DSCAM: variants seen among roughly 807,000 people sequenced by gnomAD.
The protein encoded by DSCAM is cell adhesion molecule DSCAM.
Under a neutral mutation model 217.7 loss-of-function variants are expected in DSCAM, and 47 were observed. That is an observed-to-expected ratio of 0.22 (90% CI 0.17 to 0.28). DSCAM has a LOEUF of 0.28. Among genes scored for constraint, DSCAM ranks in the 10% least tolerant of loss-of-function variants. The pLI, the probability that DSCAM is intolerant of heterozygous loss-of-function variation, is 1.00. For missense variants in DSCAM, 2,080 were observed against 2,618.3 expected, an observed-to-expected ratio of 0.79 and a Z score of 4.49; for synonymous variants, 1,056 against 1,015.3, an observed-to-expected ratio of 1.04 and a Z score of -0.76.
At chr21:40,189,008 T>C (rs369327861) in intron 12 of DSCAM, 34 bp downstream of exon 12, 9 of 1,601,746 alleles carry the variant, frequency 5.6e-6, no homozygotes, top group Non-Finnish European at 6.8e-6. Flanking sequence ...CCAATAAAGT[T>C]CATTCCATTG....
intron 6 of DSCAM, among the ~76,000 whole-genome samples, chr21:40,340,811 G>A (rs1258633352): frequency 6.6e-6 from 1 of 152,190 alleles, no homozygotes; most frequent in Non-Finnish European, 1.5e-5. Flanking sequence ...AATTAGGATA[G>A]CTTGCAATTC....
chr21:40,450,761 T>C (rs1003408197), intron 3 of DSCAM, among the ~76,000 whole-genome samples: 1 of 152,244 alleles, frequency 6.6e-6, no homozygotes, highest in Admixed American at 6.5e-5. Context: ...TTGTTGTTGC[T>C]GCTTTTTAAT....
chr21:40,375,243 CTG>C (rs1189586885), intron 3 of DSCAM, among the ~76,000 whole-genome samples: 2 of 152,232 alleles, frequency 1.3e-5, no homozygotes, highest in African/African-American at 4.8e-5. Context: ...TTCAAACTCT[CTG>C]TGTCCACTTC....
At position 40,016,412 on chromosome 21, in the gene DSCAM, C is replaced by T. The variant is rs1047397982; in HGVS notation, c.5687-3026G>A. Among the ~76,000 whole-genome samples, 13 of 152,094 alleles carry T rather than the reference C, an allele frequency of 8.5e-5. No homozygotes were observed. The highest frequency in any genetic ancestry group is 2.6e-4 in the Admixed American group (4 of 15,258). On this transcript the variant is annotated intron_variant, in intron 32 of 32. Coordinates refer to ENST00000400454, the MANE Select transcript of DSCAM (RefSeq NM_001389.5). The surrounding 1 kb of genome is among the most constrained non-coding windows in gnomAD (Gnocchi z 4.3). ...TGACAAAAGATGAAGGGTTTAGTTT[C>T]AGACCTGCTGAGTTTGATGCAGCTG...
chr21:40,825,380 C>T lies in DSCAM; in HGVS notation c.43+21239G>A, dbSNP rs188674491. On this transcript the variant is annotated intron_variant, in intron 1 of 32. Coordinates refer to ENST00000400454, the MANE Select transcript of DSCAM (RefSeq NM_001389.5). ...TTGCCCAGGCTGGAGTGCAATGGCACGATCTCAGCTCACTGCAACCTCTGC... is the reference window on the plus strand; with the variant it reads ...TTGCCCAGGCTGGAGTGCAATGGCATGATCTCAGCTCACTGCAACCTCTGC... 3.4e-3 allele frequency among the ~76,000 whole-genome samples: 519 copies of T among 151,914 alleles called. 6 individuals carry two copies. The highest frequency in any genetic ancestry group is 0.012 in the African/African-American group (508 of 41,404).
At chr21:40,683,916 G>T (rs928426748) in intron 3 of DSCAM, among the ~76,000 whole-genome samples, 6 of 152,112 alleles carry the variant, frequency 3.9e-5, no homozygotes, top group African/African-American at 1.4e-4. Context: ...TGAGCATCCA[G>T]ACAATCAGTG....
At chr21:40,192,122 A>G (rs2090958299) in intron 11 of DSCAM, among the ~76,000 whole-genome samples, 1 of 152,168 alleles carries the variant, frequency 6.6e-6, no homozygotes, top group Admixed American at 6.5e-5. Context: ...TTGTATAATC[A>G]TCACTGAATC....
Position 40,055,832 on chromosome 21 carries a change from G to T in DSCAM, c.4928C>A (p.Thr1643Asn). 1 of 1,612,480 alleles carries T rather than the reference G, an allele frequency of 6.2e-7. No homozygotes were observed. The highest frequency in any genetic ancestry group is 8.5e-7 in the Non-Finnish European group (1 of 1,178,632). Residue 1643 changes from threonine to asparagine, a missense_variant, in exon 29 of 33, where the codon ACC becomes AAC. Around this residue, in one of 5 missense-constraint regions of DSCAM, gnomAD observed 1,144 missense variants for 1,421.1 expected, o/e 0.81. Coordinates refer to ENST00000400454, the MANE Select transcript of DSCAM (RefSeq NM_001389.5). ...SLAEMLMSKN[T>N]RTSDTLSKQQ... is the part of the protein sequence containing the mutation. ...CTTGCTTAACGTATCTGAAGTCCGG[G>T]TATTCTTACTGGGAATAAAATGGGG...
At chr21:40,710,234 C>T (rs1184075707) in intron 1 of DSCAM, among the ~76,000 whole-genome samples, 1 of 151,864 alleles carries the variant, frequency 6.6e-6, no homozygotes, top group Non-Finnish European at 1.5e-5. Context: ...GTTAAAAAAG[C>T]ACCATTATCA....
At chr21:40,105,408 G>A (rs1426409568) in intron 20 of DSCAM, among the ~76,000 whole-genome samples, 2 of 152,182 alleles carry the variant, frequency 1.3e-5, no homozygotes, top group African/African-American at 2.4e-5. Flanking sequence ...GAGGGACCCC[G>A]TGGGAGGTAA....
At chr21:40,761,610 G>A (rs1247782901) in intron 1 of DSCAM, among the ~76,000 whole-genome samples, 1 of 152,182 alleles carries the variant, frequency 6.6e-6, no homozygotes, top group African/African-American at 2.4e-5. Flanking sequence ...CTGCAAGACA[G>A]AGCAAACTTC....
At chr21:40,470,462 A>G (rs956107721) in intron 3 of DSCAM, among the ~76,000 whole-genome samples, 11 of 152,222 alleles carry the variant, frequency 7.2e-5, no homozygotes, top group African/African-American at 2.7e-4. Context: ...AGAGTCCAAG[A>G]GCTTTCTGCC....
chr21:40,664,418 G>C (rs1260155366), intron 3 of DSCAM, among the ~76,000 whole-genome samples: 1 of 152,168 alleles, frequency 6.6e-6, no homozygotes, highest in Admixed American at 6.5e-5. Context: ...TTCCCCCCGG[G>C]ATGAAGTTGC....
intron 11 of DSCAM, among the ~76,000 whole-genome samples, chr21:40,265,052 G>GCATC (rs933133535): frequency 1.4e-5 from 2 of 140,564 alleles, no homozygotes; most frequent in African/African-American, 5.5e-5. Context: ...AATTAGCCAG[G>GCATC]TGTAGTGACA....
intron 3 of DSCAM, among the ~76,000 whole-genome samples, chr21:40,650,524 G>C (rs549946335): frequency 3.9e-5 from 6 of 152,196 alleles, no homozygotes; most frequent in African/African-American, 2.4e-5. Flanking sequence ...GGCTGGCGTC[G>C]TCCAGTTCTT....
intron 11 of DSCAM, 139 bp from the exon 12 acceptor site, chr21:40,189,377 T>A: frequency 1.3e-6 from 1 of 785,410 alleles, no homozygotes. Flanking sequence ...CATGAGAATC[T>A]CGAGCAAAAT....
At chr21:40,843,504 T>A (rs749240275) in intron 1 of DSCAM, among the ~76,000 whole-genome samples, 2 of 152,170 alleles carry the variant, frequency 1.3e-5, no homozygotes, top group Non-Finnish European at 2.9e-5. Context: ...GGCTCTTCTT[T>A]TAGCAATAAT....
rs116240062 is a variant in DSCAM, at chr21:40,833,434, A to G, written c.43+13185T>C. Among the ~76,000 whole-genome samples, 409 of 152,352 alleles carry G rather than the reference A, an allele frequency of 2.7e-3. 3 individuals are homozygous for G. The highest frequency in any genetic ancestry group is 9.6e-3 in the African/African-American group (398 of 41,584). Reference sequence around the variant, plus strand: ...AGCCGCAGAAAAGGGTGCTTCAGGCACAGGGCAACCAGGCGAGAGAAAATG... The same window carrying G: ...AGCCGCAGAAAAGGGTGCTTCAGGCGCAGGGCAACCAGGCGAGAGAAAATG... On this transcript the variant is annotated intron_variant, in intron 1 of 32. Coordinates refer to ENST00000400454, the MANE Select transcript of DSCAM (RefSeq NM_001389.5).
chr21:40,377,993 C>T (rs2074980405), intron 3 of DSCAM, among the ~76,000 whole-genome samples: 2 of 152,094 alleles, frequency 1.3e-5, no homozygotes, highest in African/African-American at 4.8e-5. Flanking sequence ...TAGCTCTAAT[C>T]TGTAATAAAA....
Sources: gnomAD v4.1 joint callset for allele counts (sites outside exome capture counted in the v4.1 genomes callset) on GRCh38, gnomAD v4.1.1 for gene constraint, gnomAD v4.1.1 regional missense constraint, Gnocchi (gnomAD v3.1) non-coding constraint, MANE v1.5 for transcripts, NCBI Gene and HGNC (gene_info 2026-07-23, HGNC 2026-07-21) for gene names.